The following RASAL2 variants were observed in gnomAD, a reference collection of about 807,000 sequenced individuals.
The protein encoded by RASAL2 is ras GTPase-activating protein nGAP.
Under a neutral mutation model 128.9 loss-of-function variants are expected in RASAL2, and 58 were observed. The observed-to-expected ratio is 0.45, with a 90% confidence interval of 0.36 to 0.56. The LOEUF (loss-of-function observed/expected upper bound fraction) is 0.56, where lower values mean the gene tolerates loss of function less well. Among genes scored for constraint, RASAL2 ranks in the 20% least tolerant of loss-of-function variants. The probability of loss-of-function intolerance (pLI) is 0.00; values close to 1 mark genes in which losing one functional copy is unlikely to be tolerated. For synonymous variants in RASAL2, 561 were observed against 580.8 expected (o/e 0.97, Z 0.49); for missense variants, 1,360 against 1,601.6 (o/e 0.85, Z 2.57).
chr1:178,196,885 A>T (rs776885326), intron 1 of RASAL2, among the ~76,000 whole-genome samples: 1 of 152,260 alleles, frequency 6.6e-6, no homozygotes, highest in Non-Finnish European at 1.5e-5. Flanking sequence ...ATACTCTTAT[A>T]TACCATCTGA....
Position 178,458,389 on chromosome 1 carries a change from GCTT to G in RASAL2, c.3101_3103del (p.Ser1034del). On this transcript the variant is annotated inframe_deletion, in exon 14 of 18. Coordinates refer to ENST00000367649, the MANE Select transcript of RASAL2 (RefSeq NM_170692.4). Reference sequence around the variant, plus strand: ...AGCCCCACCATCCCTGCCACACAGTGCTTCTTTACGTAGCACCGGGAGCATGTC... The same window carrying G: ...AGCCCCACCATCCCTGCCACACAGTGCTTTACGTAGCACCGGGAGCATGTC... The G allele has an allele frequency of 6.2e-7, 1 of 1,614,224 alleles. No individual in the cohort carries two copies. The highest frequency in any genetic ancestry group is 8.5e-7 in the Non-Finnish European group (1 of 1,180,044).
chr1:178,094,868 G>A (rs1658615092), intron 1 of RASAL2, among the ~76,000 whole-genome samples, 174 bp downstream of exon 1: 1 of 152,124 alleles, frequency 6.6e-6, no homozygotes. Flanking sequence ...TATCACTTGG[G>A]CAGGGATGTC....
In RASAL2 at chr1:178,441,402, T is replaced by C. The variant is rs541386613; in HGVS notation, c.829-147T>C. The C allele has an allele frequency of 1.1e-5, 6 of 565,370 alleles. No individual in the cohort carries two copies. In the East Asian group the frequency reaches 1.8e-4, roughly 17 times the overall value. The allele number at this position is 565,370 out of a possible 1,614,324, so 35.0% of individuals were successfully genotyped here. A position where few individuals can be genotyped will look rare whatever the true frequency, so the allele number is the denominator to read the frequency against. Reference sequence around the variant, plus strand: ...ATGAGTAGTTTGGGATCTGAGACCATGTTTTTCTTATCTATCCATCCATCC... The same window carrying C: ...ATGAGTAGTTTGGGATCTGAGACCACGTTTTTCTTATCTATCCATCCATCC... On this transcript the variant is annotated intron_variant, in intron 6 of 17. Coordinates refer to ENST00000367649, the MANE Select transcript of RASAL2 (RefSeq NM_170692.4).
At chr1:178,262,678 A>G (rs1414355237) in intron 1 of RASAL2, among the ~76,000 whole-genome samples, 2 of 152,202 alleles carry the variant, frequency 1.3e-5, no homozygotes, top group Non-Finnish European at 2.9e-5. Flanking sequence ...AAGTTTAGCC[A>G]TCAACTGTGA....
At chr1:178,361,308 T>C (rs949216913) in intron 3 of RASAL2, among the ~76,000 whole-genome samples, 1 of 152,196 alleles carries the variant, frequency 6.6e-6, no homozygotes, top group African/African-American at 2.4e-5. Context: ...AAGTGTTTTC[T>C]GGATACATCT....
chr1:178,174,490 C>T (rs1661817923), intron 1 of RASAL2, among the ~76,000 whole-genome samples: 1 of 152,016 alleles, frequency 6.6e-6, no homozygotes, highest in Non-Finnish European at 1.5e-5. Flanking sequence ...GAGTGATGGC[C>T]TAATATACAC....
intron 1 of RASAL2, among the ~76,000 whole-genome samples, chr1:178,266,524 C>G (rs914605962): frequency 1.3e-5 from 2 of 152,134 alleles, no homozygotes; most frequent in Non-Finnish European, 1.5e-5. Flanking sequence ...CACCAGGGCT[C>G]TTGTCTCACA....
chr1:178,389,235 TA>T, intron 3 of RASAL2: 1 of 979,710 alleles, frequency 1.0e-6, no homozygotes, highest in Non-Finnish European at 1.2e-6. Context: ...TGAGATTATC[TA>T]ATGTTATCTG....
intron 3 of RASAL2, among the ~76,000 whole-genome samples, chr1:178,377,635 A>G (rs1163863905): frequency 6.6e-6 from 1 of 152,070 alleles, no homozygotes; most frequent in Non-Finnish European, 1.5e-5. Context: ...AGTTAGAAAA[A>G]TCTCTCATTG....
chr1:178,224,027 C>T (rs1252117664), intron 1 of RASAL2, among the ~76,000 whole-genome samples: 1 of 151,974 alleles, frequency 6.6e-6, no homozygotes, highest in Non-Finnish European at 1.5e-5. Context: ...GTATGTTGCT[C>T]AAAGAAGACA....
chr1:178,155,460 AG>A (rs1303240667), intron 1 of RASAL2, among the ~76,000 whole-genome samples: 23 of 148,736 alleles, frequency 1.5e-4, no homozygotes, highest in Admixed American at 5.4e-4. Flanking sequence ...ATTATAAACC[AG>A]CAAAAAAAAA....
intron 1 of RASAL2, among the ~76,000 whole-genome samples, chr1:178,108,540 G>T (rs1298978460): frequency 6.6e-6 from 1 of 152,162 alleles, no homozygotes. Flanking sequence ...TGAGGAATTA[G>T]AGGCATAAAG....
intron 3 of RASAL2, among the ~76,000 whole-genome samples, chr1:178,361,081 T>C (rs568750012): frequency 6.6e-6 from 1 of 152,226 alleles, no homozygotes; most frequent in Non-Finnish European, 1.5e-5. Flanking sequence ...ACAAATGTGA[T>C]GTATTTTATT....
intron 3 of RASAL2, among the ~76,000 whole-genome samples, chr1:178,308,308 T>C (rs1668089345): frequency 6.6e-6 from 1 of 152,038 alleles, no homozygotes; most frequent in South Asian, 2.1e-4. Flanking sequence ...TTTGTATACA[T>C]GAAGACCAAA....
At chr1:178,102,023 AT>A (rs11404276) in intron 1 of RASAL2, among the ~76,000 whole-genome samples, 1 of 150,720 alleles carries the variant, frequency 6.6e-6, no homozygotes, top group African/African-American at 2.4e-5. Context: ...GACAGATGAG[AT>A]TTTTTTTTTC....
At chr1:178,320,765 C>G (rs569394675) in intron 3 of RASAL2, among the ~76,000 whole-genome samples, 14 of 152,116 alleles carry the variant, frequency 9.2e-5, no homozygotes, top group Non-Finnish European at 2.1e-4. Flanking sequence ...GCCTCGCTCA[C>G]GCTGGGAGCT....
chr1:178,322,712 T>C (rs957415421), intron 3 of RASAL2, among the ~76,000 whole-genome samples: 5 of 152,212 alleles, frequency 3.3e-5, no homozygotes, highest in African/African-American at 1.2e-4. Context: ...CACTGCTCTT[T>C]TGTCATCTTA....
Position 178,169,143 on chromosome 1 carries a change from A to G in RASAL2, c.202+74449A>G, listed in dbSNP as rs138684085. 7.1e-3 allele frequency among the ~76,000 whole-genome samples: 1,081 copies of G among 152,110 alleles called. 13 individuals carry two copies. The highest frequency in any genetic ancestry group is 0.024 in the African/African-American group (1,001 of 41,512). ...TCCTTTAAAAATGTACCATTTGTCA[A>G]TTTTCTGACATTTTTATGACTACCT... is the stretch of plus-strand genomic sequence containing the variant. On this transcript the variant is annotated intron_variant, in intron 1 of 17. Coordinates refer to ENST00000367649, the MANE Select transcript of RASAL2 (RefSeq NM_170692.4).
At chr1:178,169,654 T>C (rs1006583792) in intron 1 of RASAL2, among the ~76,000 whole-genome samples, 3 of 152,020 alleles carry the variant, frequency 2.0e-5, no homozygotes, top group African/African-American at 7.2e-5. Flanking sequence ...AGTTTGTACC[T>C]TTCCCAGCCG....
Sources: allele counts gnomAD v4.1 joint callset (sites outside exome capture counted in the v4.1 genomes callset), GRCh38; gene constraint gnomAD v4.1.1; transcripts MANE v1.5; gene names NCBI Gene and HGNC (gene_info 2026-07-23, HGNC 2026-07-21).